The following PTCH2 variants were observed in gnomAD, a reference collection of about 807,000 sequenced individuals.
PTCH2 encodes the protein patched 2.
In PTCH2, 96 loss-of-function variants were observed where a neutral mutation model predicts 117.9. The observed-to-expected ratio is 0.81, with a 90% CI of 0.69 to 0.96. PTCH2 has a LOEUF of 0.96. PTCH2 is among the 50% of genes least tolerant of loss of function. The pLI is 0.00. For missense variants in PTCH2, 1,379 were observed against 1,562.5 expected (o/e 0.88, Z 1.98); for synonymous variants, 615 against 660.9 (o/e 0.93, Z 1.06).
chr1:44,831,398 T>C lies in PTCH2; in HGVS notation c.617+308A>G, dbSNP rs2148879506. Among the ~76,000 whole-genome samples, 1 of 152,342 alleles carries C rather than the reference T, an allele frequency of 6.6e-6. No individual in the cohort carries two copies. Among genetic ancestry groups the C allele is most frequent in the South Asian group, 2.1e-4 (1 of 4,832 alleles). ...CAGGTTTTCTTTCTGGCCTGGGCAATGGCTTAGCAAACACCTAGGTAATTT... is the reference window on the plus strand; with the variant it reads ...CAGGTTTTCTTTCTGGCCTGGGCAACGGCTTAGCAAACACCTAGGTAATTT... On this transcript the variant is annotated intron_variant, in intron 5 of 21. Coordinates refer to ENST00000372192, the MANE Select transcript of PTCH2 (RefSeq NM_003738.5). This position sits in a 1 kb window ranked among gnomAD's most constrained non-coding sequence, Gnocchi z 4.3.
At position 44,828,498 on chromosome 1, in the gene PTCH2, G is replaced by A. The variant is rs758345828; in HGVS notation, c.1590+8C>T. On this transcript the variant is annotated splice_region_variant and intron_variant, in intron 12 of 21. Coordinates refer to ENST00000372192, the MANE Select transcript of PTCH2 (RefSeq NM_003738.5). Reference sequence around the variant, plus strand: ...CCACCCTGAGCTGCCCCGTGTGAGAGGCCTCACCTGTAGGGAGAAGGCTCG... The same window carrying A: ...CCACCCTGAGCTGCCCCGTGTGAGAAGCCTCACCTGTAGGGAGAAGGCTCG... 6 of 1,614,032 alleles carry A rather than the reference G, an allele frequency of 3.7e-6. No homozygotes were observed. The highest frequency in any genetic ancestry group is 5.1e-6 in the Non-Finnish European group (6 of 1,180,026).
At chr1:44,820,757 T>C, downstream of PTCH2, 1 of 717,398 alleles carries the variant, frequency 1.4e-6, no homozygotes, top group Admixed American at 2.0e-5. Context: ...TTGCCCAGGG[T>C]TACTCCGCTG....
At chr1:44,833,335 G>C (rs1653541948) in intron 2 of PTCH2, among the ~76,000 whole-genome samples, 1 of 152,050 alleles carries the variant, frequency 6.6e-6, no homozygotes, top group Non-Finnish European at 1.5e-5. Context: ...ACCTGTCTGG[G>C]GGTCTCCTCC....
downstream of PTCH2, chr1:44,821,676 T>C (rs191765808): frequency 2.7e-3 from 2,141 of 786,692 alleles, no homozygotes; most frequent in Non-Finnish European, 3.1e-3. Flanking sequence ...AGTGGGGTTC[T>C]TTTTTTTCTG....
Position 44,842,889 on chromosome 1 carries a change from G to A in PTCH2, c.44C>T (p.Thr15Ile), listed in dbSNP as rs561781541. The change falls in exon 1 of 22, where the codon ACA becomes ATA. Residue 15 changes from threonine to isoleucine, a missense_variant. Thr to Ile is a moderately conservative substitution (Grantham distance 89, BLOSUM62 -1). Transcript: ENST00000372192. ...GGGTGCTGCGGTTCGAGCTGGGGGT[G>A]TGTAACTCGGGGGCAGCTCTCTGAG... The part of the protein sequence containing the change: ...PPLRELPPSY[T>I]PPARTAAPQI... 1,015 of 1,550,594 alleles carry A rather than the reference G, an allele frequency of 6.5e-4. 17 individuals are homozygous for A. In the South Asian group the frequency reaches 0.011, roughly 17 times the overall value.
chr1:44,832,500 C>A (rs772048960), intron 2 of PTCH2, among the ~76,000 whole-genome samples, 159 bp from the exon 3 acceptor site: 1 of 152,198 alleles, frequency 6.6e-6, no homozygotes, highest in Non-Finnish European at 1.5e-5. Flanking sequence ...TGGCCCAGGC[C>A]GACTCCCCAG....
rs906722240 is a variant in PTCH2 at position 44,823,598 on chromosome 1, G to A, written c.3115-213C>T. On this transcript the variant is annotated intron_variant, in intron 19 of 21. Coordinates refer to ENST00000372192, the MANE Select transcript of PTCH2 (RefSeq NM_003738.5). This position sits in a 1 kb window ranked among gnomAD's most constrained non-coding sequence, Gnocchi z 5.1. ...TTGGTGAGCTTAGACACAGAGACACGTAGAAAATAGGGTACAGCCTGGGTG... is the reference window on the plus strand; with the variant it reads ...TTGGTGAGCTTAGACACAGAGACACATAGAAAATAGGGTACAGCCTGGGTG... 6.6e-6 allele frequency among the ~76,000 whole-genome samples: 1 copy of A among 152,184 alleles called. No individual in the cohort carries two copies. The highest frequency in any genetic ancestry group is 1.5e-5 in the Non-Finnish European group (1 of 68,040).
chr1:44,838,006 C>T (rs1022322722), intron 2 of PTCH2, among the ~76,000 whole-genome samples: 12 of 150,108 alleles, frequency 8.0e-5, no homozygotes, highest in Non-Finnish European at 1.5e-4. Context: ...GGCGTGAACC[C>T]GGGAGATGGA....
chr1:44,827,372 C>T (rs760433593), intron 15 of PTCH2, 30 bp downstream of exon 15: 2 of 1,613,536 alleles, frequency 1.2e-6, no homozygotes, highest in Middle Eastern at 1.7e-4. Context: ...CCCTGCAGCA[C>T]CCCTCCCTGC....
In PTCH2 at chr1:44,831,969, A is replaced by C. The variant is rs1653471438; in HGVS notation, c.525+6T>G. 6.2e-7 allele frequency: 1 copy of C among 1,609,468 alleles called. No homozygotes were observed. Among genetic ancestry groups the C allele is most frequent in the Admixed American group, 1.7e-5 (1 of 59,972 alleles). On this transcript the variant is annotated splice_donor_region_variant and intron_variant, in intron 4 of 21. Coordinates refer to ENST00000372192, the MANE Select transcript of PTCH2 (RefSeq NM_003738.5). This position sits in a 1 kb window ranked among gnomAD's most constrained non-coding sequence, Gnocchi z 4.3. ...TTCTGCCTCTACTCCCTCTCAGGACACTTACCCGCTCAATCATTCCATTTT... is the reference window on the plus strand; with the variant it reads ...TTCTGCCTCTACTCCCTCTCAGGACCCTTACCCGCTCAATCATTCCATTTT...
chr1:44,828,131 T>G lies in PTCH2; in HGVS notation c.1770A>C (p.Pro590=), dbSNP rs1279014385. The part of the protein sequence containing the change: ...LPQELGDGTV[P]VGIAHLTATV... ...TGGCAGTGAGGTGGGCAATGCCCACTGGTACTGTCCCGTCCCCCAGCTCCT... is the reference window on the plus strand; with the variant it reads ...TGGCAGTGAGGTGGGCAATGCCCACGGGTACTGTCCCGTCCCCCAGCTCCT... Residue 590 remains proline, a synonymous_variant, in exon 14 of 22, where the codon CCA becomes CCC. Transcript: ENST00000372192. The G allele has an allele frequency of 5.6e-6, 9 of 1,613,910 alleles. No homozygotes were observed. Among genetic ancestry groups the G allele is most frequent in the Non-Finnish European group, 7.6e-6 (9 of 1,180,042 alleles).
chr1:44,842,779 C>G, intron 1 of PTCH2, 82 bp downstream of exon 1: 1 of 1,371,652 alleles, frequency 7.3e-7, no homozygotes, highest in Non-Finnish European at 1.0e-6. Flanking sequence ...CTCGGCACTT[C>G]AAGACATCAC....
chr1:44,828,465 C>T lies in PTCH2; in HGVS notation c.1590+41G>A, dbSNP rs377387833. The T allele has an allele frequency of 3.2e-5, 51 of 1,614,000 alleles. No individual in the cohort carries two copies. The African/African-American group carries it at 6.1e-4, about 19-fold the overall frequency. On this transcript the variant is annotated intron_variant, in intron 12 of 21. Transcript: ENST00000372192. ...AAGGCTGGATGAAGCTTGGCCTCAG[C>T]CCCACACCCACCCTGAGCTGCCCCG...
At position 44,826,292 on chromosome 1, in the gene PTCH2, G is replaced by T; in HGVS notation, c.3072C>A (p.Ala1024=). 6 of 1,614,102 alleles carry T rather than the reference G, an allele frequency of 3.7e-6. No individual in the cohort carries two copies. The highest frequency in any genetic ancestry group is 5.1e-6 in the Non-Finnish European group (6 of 1,180,034). The change falls in exon 19 of 22, where the codon GCC becomes GCA. Residue 1024 remains alanine, a synonymous_variant. Coordinates refer to ENST00000372192, the MANE Select transcript of PTCH2 (RefSeq NM_003738.5). The surrounding 1 kb of genome is among the most constrained non-coding windows in gnomAD (Gnocchi z 5.1). ...TGAACTCAACGCCAATGCCTACAGA[G>T]GCCACAAGGATCACCACGGGGATGG... The part of the protein sequence containing the change: ...LSAIPVVILV[A]SVGIGVEFTV...
chr1:44,821,439 C>G (rs11573601), downstream of PTCH2, among the ~76,000 whole-genome samples: 1 of 152,198 alleles, frequency 6.6e-6, no homozygotes, highest in East Asian at 1.9e-4. Context: ...TGCTCTGGAA[C>G]CTGGCTCCTT....
intron 21 of PTCH2, among the ~76,000 whole-genome samples, 183 bp from the exon 22 acceptor site, chr1:44,822,852 G>C (rs552504124): frequency 6.6e-6 from 1 of 152,276 alleles, no homozygotes; most frequent in Admixed American, 6.5e-5. Flanking sequence ...CCTTGTTCTG[G>C]ATCCTAAAAG....
At position 44,826,399 on chromosome 1, in the gene PTCH2, A is replaced by G. The variant is rs755400470; in HGVS notation, c.2977-12T>C. The stretch of plus-strand genomic sequence containing the variant: ...GCCAGGACCAGCACCTGAGGGAGAC[A>G]GGGCTCACAGAGGGCTCCTGGCAGG... On this transcript the variant is annotated splice_polypyrimidine_tract_variant and intron_variant, in intron 18 of 21. Coordinates refer to ENST00000372192, the MANE Select transcript of PTCH2 (RefSeq NM_003738.5). The surrounding 1 kb of genome is among the most constrained non-coding windows in gnomAD (Gnocchi z 5.1). The G allele has an allele frequency of 8.1e-6, 13 of 1,614,110 alleles. No homozygotes were observed. In the South Asian group the frequency reaches 1.2e-4, roughly 15 times the overall value.
chr1:44,843,007 C>G lies in PTCH2; in HGVS notation c.-75G>C. Reference sequence around the variant, plus strand: ...GCTCCCATAGGCTAGCCCGGTCTCCCGGTACCGCTGGGCCCCGCGTAGGGA... The same window carrying G: ...GCTCCCATAGGCTAGCCCGGTCTCCGGGTACCGCTGGGCCCCGCGTAGGGA... On this transcript the variant is annotated 5_prime_UTR_variant, in exon 1 of 22. Coordinates refer to ENST00000372192, the MANE Select transcript of PTCH2 (RefSeq NM_003738.5). 6.9e-7 allele frequency: 1 copy of G among 1,457,500 alleles called. No homozygotes were observed. Among genetic ancestry groups the G allele is most frequent in the South Asian group, 1.4e-5 (1 of 70,382 alleles). The allele number at this position is 1,457,500 out of a possible 1,614,324, so 90.3% of individuals were successfully genotyped here.
At chr1:44,841,199 C>CCCA (rs1199168816) in intron 2 of PTCH2, among the ~76,000 whole-genome samples, 1 of 150,628 alleles carries the variant, frequency 6.6e-6, no homozygotes, top group African/African-American at 2.4e-5. Context: ...AAACAACCCC[C>CCCA]CCCAAAAAAA....
Sources: allele counts gnomAD v4.1 joint callset (sites outside exome capture counted in the v4.1 genomes callset), GRCh38; gene constraint gnomAD v4.1.1; non-coding constraint Gnocchi (gnomAD v3.1); transcripts MANE v1.5; gene names NCBI Gene and HGNC (gene_info 2026-07-23, HGNC 2026-07-21).